Variants in TMEM50B observed in about 807,000 individuals in gnomAD.
The protein encoded by TMEM50B is transmembrane protein 50B.
A neutral mutation model predicts 23.4 loss-of-function variants in TMEM50B; 14 were observed. The observed-to-expected ratio is 0.60, with a 90% CI of 0.39 to 0.93. TMEM50B has a LOEUF of 0.93. Among genes scored for constraint, TMEM50B ranks in the 40% least tolerant of loss-of-function variants. The pLI, the probability that TMEM50B is intolerant of heterozygous loss-of-function variation, is 0.00. For synonymous variants in TMEM50B, 64 were observed against 62.3 expected, an observed-to-expected ratio of 1.03 and a Z score of -0.13; for missense variants, 159 against 193.0, an observed-to-expected ratio of 0.82 and a Z score of 1.04.
rs190472751 is a variant in TMEM50B, at chr21:33,441,418, G to A, written c.*2037-2121C>T. On this transcript the variant is annotated intron_variant and NMD_transcript_variant, in intron 7 of 8. Coordinates refer to the TMEM50B transcript ENST00000420455. The stretch of plus-strand genomic sequence containing the variant: ...CTATGTACATATTTAGGAAGGTGAA[G>A]GAAAACAAAGGTTCTTAAAGGAAAA... Among the ~76,000 whole-genome samples the A allele has an allele frequency of 3.3e-5, 5 of 152,126 alleles. No individual in the cohort carries two copies. In the East Asian group the frequency reaches 9.6e-4, roughly 29 times the overall value.
At chr21:33,457,798 A>T (rs933980329) in intron 5 of TMEM50B, among the ~76,000 whole-genome samples, 5 of 152,200 alleles carry the variant, frequency 3.3e-5, no homozygotes, top group African/African-American at 1.2e-4. Context: ...AAAGTAAATA[A>T]GCAGGAAGCC....
intron 8 of TMEM50B, chr21:33,437,117 G>T: frequency 1.6e-6 from 1 of 641,844 alleles, no homozygotes; most frequent in South Asian, 1.9e-5. Context: ...GTCTCATGGG[G>T]GTGACAAGCT....
chr21:33,463,249 A>G (rs1426866068), intron 4 of TMEM50B, among the ~76,000 whole-genome samples: 9 of 152,244 alleles, frequency 5.9e-5, no homozygotes, highest in Admixed American at 6.5e-5. Flanking sequence ...CTGAGATCGC[A>G]CCACTGTACT....
chr21:33,454,036 G>A (rs1225257148), intron 6 of TMEM50B, among the ~76,000 whole-genome samples: 1 of 147,038 alleles, frequency 6.8e-6, no homozygotes, highest in Non-Finnish European at 1.5e-5. Context: ...CTGGGAGGCA[G>A]AGGTTGCATT....
At chr21:33,442,149 T>A (rs550564471) in intron 7 of TMEM50B, among the ~76,000 whole-genome samples, 3 of 152,266 alleles carry the variant, frequency 2.0e-5, no homozygotes, top group Admixed American at 6.5e-5. Flanking sequence ...CTATTTGAGA[T>A]GAGAACATCC....
At chr21:33,447,477 G>C (rs905411382), downstream of TMEM50B, among the ~76,000 whole-genome samples, 2 of 152,068 alleles carry the variant, frequency 1.3e-5, no homozygotes, top group Admixed American at 6.6e-5. Context: ...TGAAAACAAA[G>C]ACTCCTGAGT....
At chr21:33,443,351 AT>A (rs2084023944) in intron 7 of TMEM50B, among the ~76,000 whole-genome samples, 1 of 149,328 alleles carries the variant, frequency 6.7e-6, no homozygotes, top group South Asian at 2.1e-4. Flanking sequence ...GGCCAGCCCC[AT>A]GCTAACTACT....
Position 33,434,999 on chromosome 21 carries a change from T to C in TMEM50B, c.*2121-2197A>G, listed in dbSNP as rs572947233. Among the ~76,000 whole-genome samples, 75 of 152,294 alleles carry C rather than the reference T, an allele frequency of 4.9e-4. 1 individual carries two copies. The highest frequency in any genetic ancestry group is 2.0e-3 in the Admixed American group (30 of 15,290). On this transcript the variant is annotated intron_variant and NMD_transcript_variant, in intron 8 of 8. Coordinates refer to the TMEM50B transcript ENST00000420455. Reference sequence around the variant, plus strand: ...CTCTGAGTTACATGGGAACAGTGAATCATGTTTCACTTATAATTCTGGGGT... The same window carrying C: ...CTCTGAGTTACATGGGAACAGTGAACCATGTTTCACTTATAATTCTGGGGT...
chr21:33,452,936 G>A (rs568201603), intron 6 of TMEM50B, among the ~76,000 whole-genome samples: 11 of 152,178 alleles, frequency 7.2e-5, no homozygotes, highest in Admixed American at 2.6e-4. Flanking sequence ...GTTAAGGGAA[G>A]ACATCAGAAA....
At chr21:33,441,401 A>G (rs1217446254) in intron 7 of TMEM50B, among the ~76,000 whole-genome samples, 5 of 152,188 alleles carry the variant, frequency 3.3e-5, no homozygotes, top group African/African-American at 1.2e-4. Context: ...AACTATGTAC[A>G]TATTTAGGAA....
chr21:33,439,482 C>T (rs559489085), intron 7 of TMEM50B, among the ~76,000 whole-genome samples: 2 of 152,052 alleles, frequency 1.3e-5, no homozygotes, highest in African/African-American at 2.4e-5. Flanking sequence ...CGGGTTCAAG[C>T]GATTTTTGTG....
At chr21:33,435,655 T>A (rs1007390932) in intron 8 of TMEM50B, among the ~76,000 whole-genome samples, 3 of 150,194 alleles carry the variant, frequency 2.0e-5, no homozygotes, top group Non-Finnish European at 3.0e-5. Context: ...GAGGCCGAGG[T>A]GGGTGGATCA....
At chr21:33,438,750 G>A (rs1234247826) in intron 8 of TMEM50B, among the ~76,000 whole-genome samples, 2 of 150,358 alleles carry the variant, frequency 1.3e-5, no homozygotes, top group Non-Finnish European at 3.0e-5. Flanking sequence ...TTTCTTTTGA[G>A]ACAGAGTCTC....
intron 5 of TMEM50B, among the ~76,000 whole-genome samples, chr21:33,459,168 C>T (rs2084195591): frequency 6.6e-6 from 1 of 152,192 alleles, no homozygotes; most frequent in Admixed American, 6.5e-5. Context: ...AAACAGTCTT[C>T]CGACGCTTCC....
chr21:33,469,820 T>C (rs1210383625), intron 1 of TMEM50B: 1 of 152,186 alleles, frequency 6.6e-6, no homozygotes, highest in Non-Finnish European at 1.5e-5. Flanking sequence ...ATCCCAAAAG[T>C]TTGAGCCTTC....
chr21:33,441,979 G>A (rs1231159998), intron 7 of TMEM50B, among the ~76,000 whole-genome samples: 1 of 149,606 alleles, frequency 6.7e-6, no homozygotes, highest in Non-Finnish European at 1.5e-5. Flanking sequence ...ATCCTTCATG[G>A]CCTTCCCCAG....
chr21:33,440,214 TAAAGTC>T (rs1445788634), intron 7 of TMEM50B, among the ~76,000 whole-genome samples: 6 of 152,302 alleles, frequency 3.9e-5, no homozygotes, highest in Admixed American at 2.0e-4. Context: ...TTGGAATAGT[TAAAGTC>T]AAAAGAAGAA....
At chr21:33,454,231 T>C (rs977355159) in intron 6 of TMEM50B, among the ~76,000 whole-genome samples, 1 of 152,162 alleles carries the variant, frequency 6.6e-6, no homozygotes, top group Non-Finnish European at 1.5e-5. Context: ...CTTTAACTTT[T>C]CTTAAAAGGG....
chr21:33,479,008 GC>G, intron 1 of TMEM50B: 1 of 316,860 alleles, frequency 3.2e-6, no homozygotes, highest in South Asian at 2.3e-5. Flanking sequence ...CGAGGCCTCC[GC>G]CCCCTGCCCC....
Sources: allele counts gnomAD v4.1 joint callset (sites outside exome capture counted in the v4.1 genomes callset), GRCh38; gene constraint gnomAD v4.1.1; transcripts MANE v1.5; gene names NCBI Gene and HGNC (gene_info 2026-07-23, HGNC 2026-07-21).